Variants in TNFSF13B observed in about 807,000 individuals in gnomAD.
TNFSF13B encodes the protein TNF superfamily member 13b.
In TNFSF13B, 8 loss-of-function variants were observed where a neutral mutation model predicts 29.1. That is an observed-to-expected ratio of 0.27 (90% confidence interval 0.16 to 0.50). TNFSF13B has a LOEUF of 0.50. Among genes scored for constraint, TNFSF13B ranks in the 20% least tolerant of loss-of-function variants. The probability of loss-of-function intolerance (pLI) is 0.98; values close to 1 mark genes in which losing one functional copy is unlikely to be tolerated. For missense variants in TNFSF13B, 248 were observed against 334.9 expected (o/e 0.74, Z 2.03); for synonymous variants, 125 against 130.8 (o/e 0.96, Z 0.30).
intron 2 of TNFSF13B, among the ~76,000 whole-genome samples, chr13:108,279,552 C>T (rs946230579): frequency 6.6e-6 from 1 of 152,122 alleles, no homozygotes; most frequent in Non-Finnish European, 1.5e-5. Flanking sequence ...GGGTGGGTGA[C>T]ACGCATGAGA....
chr13:108,273,865 T>G (rs1282525135), intron 2 of TNFSF13B, among the ~76,000 whole-genome samples: 5 of 152,152 alleles, frequency 3.3e-5, no homozygotes, highest in Non-Finnish European at 7.4e-5. Context: ...AACACAGGTT[T>G]GAACCGCGAG....
chr13:108,270,560 T>G, intron 2 of TNFSF13B, 136 bp downstream of exon 2: 1 of 851,402 alleles, frequency 1.2e-6, no homozygotes, highest in South Asian at 1.7e-5. Context: ...AAGCAGACAT[T>G]GCTTTAGAGC....
In TNFSF13B at chr13:108,270,402, C is replaced by T; in HGVS notation, c.402C>T (p.Ala134=). ...NSSQNSRNKR[A]VQGPEETVTQ... The stretch of plus-strand genomic sequence containing the variant: ...GTCAGAACAGCAGAAATAAGCGTGC[C>T]GTTCAGGGTCCAGAAGAAACAGGTA... The change falls in exon 2 of 6, where the codon GCC becomes GCT. Residue 134 remains alanine (A), a synonymous_variant. Transcript: ENST00000375887. 5 of 1,614,006 alleles carry T rather than the reference C, an allele frequency of 3.1e-6. No homozygotes were observed. The highest frequency in any genetic ancestry group is 2.7e-5 in the African/African-American group (2 of 75,026).
intron 2 of TNFSF13B, among the ~76,000 whole-genome samples, chr13:108,273,368 A>G (rs886398204): frequency 9.2e-5 from 14 of 152,216 alleles, no homozygotes; most frequent in African/African-American, 3.4e-4. Flanking sequence ...AATGTATAAA[A>G]TATATGTAGA....
chr13:108,273,052 C>T (rs1880664638), intron 2 of TNFSF13B, among the ~76,000 whole-genome samples: 1 of 151,952 alleles, frequency 6.6e-6, no homozygotes, highest in South Asian at 2.1e-4. Flanking sequence ...TTTGTAGATT[C>T]TAACAAAGTG....
Position 108,308,112 on chromosome 13 carries a change from T to C in TNFSF13B, c.*1174T>C, listed in dbSNP as rs1342298754. The C allele has an allele frequency of 6.6e-6, 1 of 152,068 alleles. No individual in the cohort carries two copies. The highest frequency in any genetic ancestry group is 1.5e-5 in the Non-Finnish European group (1 of 67,980). The allele number at this position is 152,068 out of a possible 1,614,324, so 9.4% of individuals were successfully genotyped here. A position where few individuals can be genotyped will look rare whatever the true frequency, so the allele number is the denominator to read the frequency against. ...TCATCAGTTTTAACTGTTTACTTCA[T>C]TTAACAGTTTACATCATTCAACAGT... On this transcript the variant is annotated 3_prime_UTR_variant, in exon 6 of 6. Coordinates refer to ENST00000375887, the MANE Select transcript of TNFSF13B (RefSeq NM_006573.5).
In TNFSF13B at chr13:108,295,238, G is replaced by T. The variant is rs561355958; in HGVS notation, c.482-8015G>T. ...CACCCAGCCTGGAGTGCAATGGTGC[G>T]ATCTCGGCTCACTGCAACCTTTGCC... is the stretch of plus-strand genomic sequence containing the variant. On this transcript the variant is annotated intron_variant, in intron 3 of 5. Coordinates refer to ENST00000375887, the MANE Select transcript of TNFSF13B (RefSeq NM_006573.5). Among the ~76,000 whole-genome samples, 33 of 145,366 alleles carry T rather than the reference G, an allele frequency of 2.3e-4. 1 individual carries two copies. Among genetic ancestry groups the T allele is most frequent in the Admixed American group, 9.5e-4 (14 of 14,752 alleles).
In TNFSF13B at chr13:108,270,228, A is replaced by C. The variant is rs1397802856; in HGVS notation, c.333A>C (p.Gly111=). 1.2e-6 allele frequency: 2 copies of C among 1,606,122 alleles called. No individual in the cohort carries two copies. ...AGGAAGCTCCAGCTGTCACCGCGGGACTGAAAGTGAGTTTGCAGCAGCTGC... is the reference window on the plus strand; with the variant it reads ...AGGAAGCTCCAGCTGTCACCGCGGGCCTGAAAGTGAGTTTGCAGCAGCTGC... ...GLEEAPAVTA[G]LKIFEPPAPG... Residue 111 remains glycine, a synonymous_variant, in exon 1 of 6, where the codon GGA becomes GGC. Transcript: ENST00000375887.
intron 3 of TNFSF13B, among the ~76,000 whole-genome samples, chr13:108,300,693 A>G (rs930212963): frequency 1.3e-5 from 2 of 152,364 alleles, no homozygotes; most frequent in East Asian, 3.9e-4. Flanking sequence ...AACTATTACT[A>G]TACAAGAGGG....
At chr13:108,281,238 T>C (rs9587547) in intron 2 of TNFSF13B, among the ~76,000 whole-genome samples, 76 of 151,990 alleles carry the variant, frequency 5.0e-4, no homozygotes, top group African/African-American at 1.8e-3. Flanking sequence ...TAGAACTCTG[T>C]CTCAAAAAAA....
intron 5 of TNFSF13B, among the ~76,000 whole-genome samples, chr13:108,304,896 C>A (rs1455200068): frequency 6.6e-6 from 1 of 152,144 alleles, no homozygotes; most frequent in African/African-American, 2.4e-5. Context: ...TGTTTCCCTT[C>A]ACCCAGTGCT....
intron 3 of TNFSF13B, among the ~76,000 whole-genome samples, chr13:108,295,132 T>TG: frequency 6.9e-6 from 1 of 145,668 alleles, no homozygotes; most frequent in Middle Eastern, 3.5e-3. Context: ...ATTGTCATTT[T>TG]TGTTCATATT....
chr13:108,278,248 G>C (rs371433301), intron 2 of TNFSF13B, among the ~76,000 whole-genome samples: 1 of 152,116 alleles, frequency 6.6e-6, no homozygotes, highest in African/African-American at 2.4e-5. Context: ...ATGCCAGTGA[G>C]AGAGACATCA....
At chr13:108,279,197 A>C (rs540305490) in intron 2 of TNFSF13B, among the ~76,000 whole-genome samples, 1 of 152,170 alleles carries the variant, frequency 6.6e-6, no homozygotes, top group East Asian at 1.9e-4. Context: ...ATATTATTCC[A>C]CGGATTTTTT....
intron 3 of TNFSF13B, among the ~76,000 whole-genome samples, chr13:108,298,468 C>T (rs1881516062): frequency 2.8e-5 from 4 of 145,086 alleles, no homozygotes; most frequent in Admixed American, 2.7e-4. Flanking sequence ...ATTTACATAT[C>T]TAAAAAGTTC....
Position 108,270,371 on chromosome 13 carries a change from A to C in TNFSF13B, c.371A>C (p.Asn124Thr). 1.2e-6 allele frequency: 2 copies of C among 1,614,090 alleles called. No individual in the cohort carries two copies. Among genetic ancestry groups the C allele is most frequent in the Non-Finnish European group, 1.7e-6 (2 of 1,179,986 alleles). The stretch of plus-strand genomic sequence containing the variant: ...GAACCACCAGCTCCAGGAGAAGGCA[A>C]CTCCAGTCAGAACAGCAGAAATAAG... The part of the protein sequence containing the change: ...IFEPPAPGEG[N>T]SSQNSRNKRA... The change falls in exon 2 of 6, where the codon AAC becomes ACC. Residue 124 changes from asparagine to threonine, a missense_variant. Physicochemically the swap from Asn to Thr is moderately conservative, Grantham distance 65. Coordinates refer to ENST00000375887, the MANE Select transcript of TNFSF13B (RefSeq NM_006573.5).
intron 2 of TNFSF13B, among the ~76,000 whole-genome samples, chr13:108,279,369 T>A (rs1406288772): frequency 6.6e-6 from 1 of 152,220 alleles, no homozygotes; most frequent in Non-Finnish European, 1.5e-5. Context: ...TCAAATATTT[T>A]GCTAGAAGTA....
rs561548019 is a variant in TNFSF13B, at chr13:108,296,501, T to C, written c.482-6752T>C. Among the ~76,000 whole-genome samples, 8 of 145,648 alleles carry C rather than the reference T, an allele frequency of 5.5e-5. 2 individuals are homozygous for C. Among genetic ancestry groups the C allele is most frequent in the African/African-American group, 1.0e-4 (4 of 38,858 alleles). ...CCTGTTTGTGTTTTTGAATCTGAAGTGAGTCTCTGGTAGGCAGAATATAAT... is the reference window on the plus strand; with the variant it reads ...CCTGTTTGTGTTTTTGAATCTGAAGCGAGTCTCTGGTAGGCAGAATATAAT... On this transcript the variant is annotated intron_variant, in intron 3 of 5. Coordinates refer to ENST00000375887, the MANE Select transcript of TNFSF13B (RefSeq NM_006573.5).
Position 108,269,993 on chromosome 13 carries a change from G to C in TNFSF13B, c.98G>C (p.Arg33Pro). 1 of 1,613,488 alleles carries C rather than the reference G, an allele frequency of 6.2e-7. No homozygotes were observed. The highest frequency in any genetic ancestry group is 2.2e-5 in the East Asian group (1 of 44,862). Reference protein sequence around the residue: ...KLKECVSILPRKESPSVRSSK... With the variant: ...KLKECVSILPPKESPSVRSSK... ...AAGGAGTGTGTTTCCATCCTCCCAC[G>C]GAAGGAAAGCCCCTCTGTCCGATCC... The change falls in exon 1 of 6, where the codon CGG (arginine) becomes CCG (proline). Residue 33 changes from arginine (R) to proline (P), a missense_variant. Coordinates refer to ENST00000375887, the MANE Select transcript of TNFSF13B (RefSeq NM_006573.5).
Sources: gnomAD v4.1 joint callset for allele counts (sites outside exome capture counted in the v4.1 genomes callset) on GRCh38, gnomAD v4.1.1 for gene constraint, MANE v1.5 for transcripts, NCBI Gene and HGNC (gene_info 2026-07-23, HGNC 2026-07-21) for gene names.